The following ARHGEF9 variants were observed in gnomAD, a reference collection of about 807,000 sequenced individuals.
The protein encoded by ARHGEF9 is Cdc42 guanine nucleotide exchange factor 9, also known as rho guanine nucleotide exchange factor 9.
ARHGEF9 carries 2 observed loss-of-function variants against 41.3 expected under a neutral mutation model. The ratio of observed to expected loss-of-function variants is 0.05; its 90% confidence interval spans 0.02 to 0.15. The LOEUF (loss-of-function observed/expected upper bound fraction) is 0.15, where lower values mean the gene tolerates loss of function less well. Ranked by LOEUF, ARHGEF9 falls within the 10% of genes least tolerant of loss-of-function variation. The pLI is 1.00. For missense variants in ARHGEF9, 225 were observed against 424.7 expected, an observed-to-expected ratio of 0.53 and a Z score of 4.13; for synonymous variants, 160 against 154.4, an observed-to-expected ratio of 1.04 and a Z score of -0.27.
intron 1 of ARHGEF9, chrX:63,767,478 G>A: frequency 3.6e-6 from 1 of 277,582 alleles, no homozygotes; most frequent in Non-Finnish European, 6.6e-6. Context: ...CAAGCCCCTT[G>A]GACACTGCAG....
chrX:63,702,772 T>C (rs148210129), intron 3 of ARHGEF9, among the ~76,000 whole-genome samples: 2 of 112,022 alleles, frequency 1.8e-5, no homozygotes, highest in East Asian at 5.6e-4. Flanking sequence ...AAGCAGAAAA[T>C]GCAGAAGTAG....
chrX:63,743,150 C>T (rs559377013), intron 1 of ARHGEF9, among the ~76,000 whole-genome samples: 3 of 111,697 alleles, frequency 2.7e-5, no homozygotes, highest in African/African-American at 9.8e-5. Context: ...TTGCAGTGAG[C>T]TGAGATTGTA....
chrX:63,645,378 T>C (rs1224935805), intron 8 of ARHGEF9, among the ~76,000 whole-genome samples: 1 of 110,698 alleles, frequency 9.0e-6, no homozygotes, highest in Non-Finnish European at 1.9e-5. Flanking sequence ...TCCCTCTCCA[T>C]TCCCCCAACC....
At chrX:63,770,640 A>T (rs2056189438) in intron 1 of ARHGEF9, among the ~76,000 whole-genome samples, 1 of 111,991 alleles carries the variant, frequency 8.9e-6, no homozygotes. Context: ...CCCCACCCAA[A>T]TCTCACCTAA....
At position 63,655,746 on chromosome X, in the gene ARHGEF9, G is replaced by C; in HGVS notation, c.1078-9C>G. 1 of 1,206,223 alleles carries C rather than the reference G, an allele frequency of 8.3e-7. No homozygotes were observed. Among genetic ancestry groups the C allele is most frequent in the Non-Finnish European group, 1.1e-6 (1 of 894,864 alleles). On this transcript the variant is annotated splice_polypyrimidine_tract_variant and intron_variant, in intron 7 of 9. Coordinates refer to ENST00000671741, the MANE Select transcript of ARHGEF9 (RefSeq NM_001353921.2). ...TCTCTCCGGATTAGGTCCTAGATGG[G>C]AAGGAAGAGGTTTCTTGAAGGTATG...
chrX:63,668,160 G>A (rs2049700756), intron 6 of ARHGEF9, among the ~76,000 whole-genome samples: 1 of 109,831 alleles, frequency 9.1e-6, no homozygotes, highest in South Asian at 4.0e-4. Flanking sequence ...TTGAGACAGA[G>A]TCTCCCTCTG....
rs1255997572 is a variant in ARHGEF9 at position 63,755,087 on chromosome X, C to A, written c.30+30029G>T. ...CCGGCTGCCAGACACTCGTTCGATC[C>A]CTGCCTTGCTGGCCCTATCCCTCTT... is the stretch of plus-strand genomic sequence containing the variant. On this transcript the variant is annotated intron_variant, in intron 1 of 9. Transcript: ENST00000671741. The A allele has an allele frequency of 4.3e-6, 4 of 937,579 alleles. No homozygotes were observed. In the African/African-American group the frequency reaches 6.1e-5, roughly 14 times the overall value. The allele number at this position is 937,579 out of a possible 1,213,427, so 77.3% of individuals were successfully genotyped here. A position where few individuals can be genotyped will look rare whatever the true frequency, so the allele number is the denominator to read the frequency against.
At chrX:63,772,623 G>A (rs781937082) in intron 1 of ARHGEF9, among the ~76,000 whole-genome samples, 2 of 111,591 alleles carry the variant, frequency 1.8e-5, no homozygotes, top group Admixed American at 9.5e-5. Context: ...GCTAAGAAGT[G>A]ACACAGTCAG....
At chrX:63,752,211 C>T (rs1159865467) in intron 1 of ARHGEF9, among the ~76,000 whole-genome samples, 1 of 91,200 alleles carries the variant, frequency 1.1e-5, no homozygotes, top group African/African-American at 4.1e-5. Flanking sequence ...CCCCCCACAA[C>T]TTCAAGTGTC....
intron 6 of ARHGEF9, among the ~76,000 whole-genome samples, chrX:63,669,124 G>A (rs1327020537): frequency 1.8e-5 from 2 of 112,297 alleles, no homozygotes. Context: ...GGCTGTTTGA[G>A]AGCGTCAAAT....
chrX:63,770,239 C>T (rs1364952040), intron 1 of ARHGEF9, among the ~76,000 whole-genome samples: 1 of 112,631 alleles, frequency 8.9e-6, no homozygotes, highest in Non-Finnish European at 1.9e-5. Flanking sequence ...TAACTGCCCA[C>T]CTCTTACATC....
chrX:63,770,269 G>C (rs782377935), intron 1 of ARHGEF9, among the ~76,000 whole-genome samples: 5 of 112,791 alleles, frequency 4.4e-5, no homozygotes, highest in Non-Finnish European at 7.5e-5. Flanking sequence ...GGAATGTAAA[G>C]TATAAAGTCA....
chrX:63,643,653 T>G (rs2047792567), intron 9 of ARHGEF9, among the ~76,000 whole-genome samples: 1 of 110,683 alleles, frequency 9.0e-6, no homozygotes, highest in Non-Finnish European at 1.9e-5. Flanking sequence ...ACTATACTTA[T>G]TAAATAAAGA....
At chrX:63,674,217 C>T in intron 5 of ARHGEF9, 50 bp from the exon 6 acceptor site, 1 of 1,189,409 alleles carries the variant, frequency 8.4e-7, no homozygotes, top group Non-Finnish European at 1.1e-6. Flanking sequence ...GCCAAAGAAC[C>T]AATGTGCTAG....
chrX:63,770,540 G>A (rs1456666533), intron 1 of ARHGEF9, among the ~76,000 whole-genome samples: 1 of 112,185 alleles, frequency 8.9e-6, no homozygotes, highest in African/African-American at 3.2e-5. Flanking sequence ...GGCTTTGGGG[G>A]ACTGTTGGAA....
intron 8 of ARHGEF9, among the ~76,000 whole-genome samples, chrX:63,649,295 C>T (rs1399232054): frequency 1.8e-5 from 2 of 111,117 alleles, no homozygotes; most frequent in South Asian, 3.9e-4. Context: ...TCACTCAAAA[C>T]CGCTCAACTA....
intron 8 of ARHGEF9, among the ~76,000 whole-genome samples, chrX:63,649,138 C>G (rs1484780903): frequency 8.9e-6 from 1 of 111,892 alleles, no homozygotes; most frequent in African/African-American, 3.3e-5. Flanking sequence ...CCCAAATCAA[C>G]AGAATATACA....
rs2052559521 is a variant in ARHGEF9, at chrX:63,706,559, A to C, written c.211-110T>G. 3 of 918,632 alleles carry C rather than the reference A, an allele frequency of 3.3e-6. No homozygotes were observed. The East Asian group carries it at 1.0e-4, about 31-fold the overall frequency. 75.7% of individuals were successfully genotyped at this position (918,632 alleles called of 1,213,427 possible). ...CTTCTCAGGTATTCAGAGAACCTTC[A>C]ACCAGAGACCTGTGCAAGTAGAATT... On this transcript the variant is annotated intron_variant, in intron 2 of 9. Transcript: ENST00000671741.
chrX:63,755,212 C>T (rs2055889475), intron 1 of ARHGEF9: 2 of 937,176 alleles, frequency 2.1e-6, no homozygotes, highest in South Asian at 5.9e-5. Flanking sequence ...ACATACCCGC[C>T]GACCAATAAC....
Sources: gnomAD v4.1 joint callset for allele counts (sites outside exome capture counted in the v4.1 genomes callset) on GRCh38, gnomAD v4.1.1 for gene constraint, MANE v1.5 for transcripts, NCBI Gene and HGNC (gene_info 2026-07-23, HGNC 2026-07-21) for gene names.